The following TSHR variants were observed in gnomAD, a reference collection of about 807,000 sequenced individuals.
TSHR encodes thyrotropin receptor.
Under a neutral mutation model 64.1 loss-of-function variants are expected in TSHR, and 51 were observed. That is an observed-to-expected ratio of 0.80 (90% CI 0.64 to 1.01). The LOEUF (loss-of-function observed/expected upper bound fraction) is 1.01, where lower values mean the gene tolerates loss of function less well. TSHR is among the 50% of genes least tolerant of loss of function. The pLI, the probability that TSHR is intolerant of heterozygous loss-of-function variation, is 0.00. For missense variants in TSHR, 877 were observed against 942.8 expected (o/e 0.93, Z 0.91); for synonymous variants, 361 against 361.9 (o/e 1.00, Z 0.03).
chr14:81,092,146 C>T (rs553392969), intron 5 of TSHR, among the ~76,000 whole-genome samples: 1 of 152,294 alleles, frequency 6.6e-6, no homozygotes, highest in Admixed American at 6.5e-5. Context: ...TAAATGAAAT[C>T]CTTTAATCCT....
At chr14:80,983,833 G>A (rs1888299061) in intron 1 of TSHR, among the ~76,000 whole-genome samples, 1 of 152,152 alleles carries the variant, frequency 6.6e-6, no homozygotes, top group Non-Finnish European at 1.5e-5. Context: ...TCATATCACT[G>A]GCTGAAAATG....
intron 3 of TSHR, among the ~76,000 whole-genome samples, chr14:81,085,389 A>G (rs991734684): frequency 1.3e-5 from 2 of 152,156 alleles, no homozygotes; most frequent in African/African-American, 2.4e-5. Context: ...CTGTTGCCTT[A>G]CCTCAGAAAG....
Position 81,068,506 on chromosome 14 carries a change from C to T in TSHR, c.317+178C>T, listed in dbSNP as rs971366360. ...TCATGTTAATTCATCTTCATTACAC[C>T]TCAATTCCATGGTTGGAAGTTAAAG... is the stretch of plus-strand genomic sequence containing the variant. On this transcript the variant is annotated intron_variant, in intron 3 of 9. Transcript: ENST00000298171. The T allele has an allele frequency of 1.1e-5, 7 of 615,912 alleles. No homozygotes were observed. The African/African-American group carries it at 1.3e-4, about 11-fold the overall frequency. The allele number at this position is 615,912 out of a possible 1,614,324, so 38.2% of individuals were successfully genotyped here. A position where few individuals can be genotyped will look rare whatever the true frequency, so the allele number is the denominator to read the frequency against.
intron 1 of TSHR, among the ~76,000 whole-genome samples, chr14:80,989,690 T>C (rs921002515): frequency 3.3e-5 from 5 of 152,192 alleles, no homozygotes; most frequent in African/African-American, 1.2e-4. Flanking sequence ...AGCGTGTGGA[T>C]TGCATTTTAG....
At chr14:80,982,567 A>G in intron 1 of TSHR, 1 of 1,006,904 alleles carries the variant, frequency 9.9e-7, no homozygotes, top group Non-Finnish European at 1.4e-6. Context: ...TCAATCTGTG[A>G]GTAGGATAGT....
At chr14:80,977,786 A>G (rs76285753) in intron 1 of TSHR, among the ~76,000 whole-genome samples, 11,589 of 152,298 alleles carry the variant, frequency 0.076, 656 homozygotes, top group South Asian at 0.21. Context: ...TGGGCGAAGC[A>G]ATCTTTCTAC....
At chr14:81,043,583 T>C (rs1488139521) in intron 1 of TSHR, among the ~76,000 whole-genome samples, 1 of 152,134 alleles carries the variant, frequency 6.6e-6, no homozygotes, top group African/African-American at 2.4e-5. Context: ...TAGAAAAAAC[T>C]ATTTTAAAAT....
chr14:81,043,659 G>A (rs1308167470), intron 1 of TSHR, among the ~76,000 whole-genome samples: 2 of 152,084 alleles, frequency 1.3e-5, no homozygotes, highest in East Asian at 3.8e-4. Context: ...AAAGCTGGAG[G>A]CATCATGCTA....
chr14:81,060,739 A>G (rs903483212), intron 1 of TSHR, among the ~76,000 whole-genome samples: 6 of 152,176 alleles, frequency 3.9e-5, no homozygotes, highest in African/African-American at 1.4e-4. Context: ...TAAATGAGGT[A>G]CTAACTGGAT....
chr14:81,104,106 C>G (rs932598210), intron 7 of TSHR: 2 of 985,322 alleles, frequency 2.0e-6, no homozygotes, highest in Non-Finnish European at 2.4e-6. Context: ...GTAGGATATA[C>G]TCTAAGGCTG....
chr14:81,073,021 A>AAAAAAT (rs1566794433), intron 3 of TSHR, among the ~76,000 whole-genome samples: 28 of 48,564 alleles, frequency 5.8e-4, no homozygotes, highest in South Asian at 1.7e-3. Context: ...ATAAAAAATA[A>AAAAAAT]ATATATATAT....
chr14:81,130,519 T>C (rs1041615911), intron 8 of TSHR, among the ~76,000 whole-genome samples: 2 of 152,206 alleles, frequency 1.3e-5, no homozygotes, highest in Non-Finnish European at 2.9e-5. Flanking sequence ...CTCTTCTTCT[T>C]CTTCTTCCTG....
chr14:81,087,844 A>G (rs1432016796), intron 3 of TSHR, 110 bp from the exon 4 acceptor site: 5 of 885,072 alleles, frequency 5.6e-6, no homozygotes, highest in East Asian at 2.5e-5. Flanking sequence ...TGTGGCGTAA[A>G]TGCATATTTT....
At chr14:81,139,308 G>A (rs181573423) in intron 8 of TSHR, among the ~76,000 whole-genome samples, 10 of 152,242 alleles carry the variant, frequency 6.6e-5, no homozygotes, top group East Asian at 5.8e-4. Flanking sequence ...AGTCCCCTTC[G>A]TCTCTGTTCT....
At chr14:80,978,815 C>T (rs1888023155) in intron 1 of TSHR, among the ~76,000 whole-genome samples, 1 of 152,106 alleles carries the variant, frequency 6.6e-6, no homozygotes, top group Non-Finnish European at 1.5e-5. Flanking sequence ...CTTTCTGTAC[C>T]AGCTTCTCTT....
Position 81,092,607 on chromosome 14 carries a change from C to T in TSHR, c.544C>T (p.Leu182=). The T allele has an allele frequency of 6.2e-7, 1 of 1,613,802 alleles. No homozygotes were observed. The highest frequency in any genetic ancestry group is 8.5e-7 in the Non-Finnish European group (1 of 1,179,748). Residue 182 remains leucine, a splice_region_variant and synonymous_variant, in exon 6 of 10, where the codon CTG becomes TTG. Transcript: ENST00000298171. ...GGGACTATGCAATGAAACCTTGACA[C>T]TGTGAGTATTACCAGTTCTACTCCC... ...FQGLCNETLT[L]KLYNNGFTSV...
At position 81,096,775 on chromosome 14, in the gene TSHR, T is replaced by G. The variant is rs143539338; in HGVS notation, c.614+68T>G. ...CTAAGAACCATCCAATGGGGCAGAA[T>G]GCTGTTGAGAGATAGGTTCTACCAG... On this transcript the variant is annotated intron_variant, in intron 7 of 9. Coordinates refer to ENST00000298171, the MANE Select transcript of TSHR (RefSeq NM_000369.5). 1,277 of 1,519,232 alleles carry G rather than the reference T, an allele frequency of 8.4e-4. 10 individuals are homozygous for G. In the African/African-American group the frequency reaches 0.013, roughly 15 times the overall value. The allele number at this position is 1,519,232 out of a possible 1,614,324, so 94.1% of individuals were successfully genotyped here. A position where few individuals can be genotyped will look rare whatever the true frequency, so the allele number is the denominator to read the frequency against.
intron 1 of TSHR, among the ~76,000 whole-genome samples, chr14:80,985,920 C>G (rs1232223715): frequency 6.6e-6 from 1 of 152,184 alleles, no homozygotes; most frequent in African/African-American, 2.4e-5. Context: ...GTAGCAATAT[C>G]TTAATTCCAA....
rs1889132016 is a variant in TSHR, at chr14:80,998,331, A to G, written c.170+42481A>G. Among the ~76,000 whole-genome samples the G allele has an allele frequency of 4.6e-5, 7 of 152,128 alleles. No homozygotes were observed. The South Asian group carries it at 8.3e-4, about 18-fold the overall frequency. The stretch of plus-strand genomic sequence containing the variant: ...ATTGTTTGAGTGCTAACACTGTGGT[A>G]GGTGCTGGAAATCGAATGCTGAACA... On this transcript the variant is annotated intron_variant, in intron 1 of 9. Coordinates refer to ENST00000298171, the MANE Select transcript of TSHR (RefSeq NM_000369.5).
Sources: gnomAD v4.1 joint callset for allele counts (sites outside exome capture counted in the v4.1 genomes callset) on GRCh38, gnomAD v4.1.1 for gene constraint, MANE v1.5 for transcripts, NCBI Gene and HGNC (gene_info 2026-07-23, HGNC 2026-07-21) for gene names.